Variants in ATP10B observed in about 807,000 individuals in gnomAD.
ATP10B encodes phospholipid-transporting ATPase VB.
ATP10B carries 122 observed loss-of-function variants against 141.2 expected under a neutral mutation model. The ratio of observed to expected loss-of-function variants is 0.86; its 90% CI spans 0.75 to 1.00. The LOEUF (loss-of-function observed/expected upper bound fraction) is 1.00, where lower values mean the gene tolerates loss of function less well. Among genes scored for constraint, ATP10B ranks in the 50% least tolerant of loss-of-function variants. The pLI is 0.00. For missense variants in ATP10B, 1,876 were observed against 1,825.3 expected (o/e 1.03, Z -0.51); for synonymous variants, 685 against 692.0 (o/e 0.99, Z 0.16).
At chr5:160,866,268 A>G in the ATP10B span, among the ~76,000 whole-genome samples, 2 of 152,168 alleles carry the variant, frequency 1.3e-5, no homozygotes, top group African/African-American at 4.8e-5. Context: ...AGCAACTTAG[A>G]TGGAGCTGGA....
chr5:160,635,900 G>C (rs550183936), intron 11 of ATP10B, among the ~76,000 whole-genome samples: 39 of 152,316 alleles, frequency 2.6e-4, no homozygotes, highest in African/African-American at 9.1e-4. Context: ...AAAGGGACAG[G>C]CACATATGGG....
intron 24 of ATP10B, among the ~76,000 whole-genome samples, chr5:160,577,359 G>T (rs1284580550): frequency 6.6e-6 from 1 of 152,080 alleles, no homozygotes; most frequent in Non-Finnish European, 1.5e-5. Flanking sequence ...GAAGGAAAAG[G>T]TGGGACAAAA....
intron 7 of ATP10B, among the ~76,000 whole-genome samples, chr5:160,663,031 T>C (rs1423975140): frequency 6.6e-6 from 1 of 151,966 alleles, no homozygotes; most frequent in Non-Finnish European, 1.5e-5. Flanking sequence ...AAAAGACACA[T>C]GAAAAAATGC....
chr5:160,845,057 T>C (rs1776038665), intron 1 of ATP10B, among the ~76,000 whole-genome samples: 1 of 152,190 alleles, frequency 6.6e-6, no homozygotes, highest in East Asian at 1.9e-4. Context: ...TACTTGCTTT[T>C]AATCACAGAT....
chr5:160,801,015 C>G (rs937905851), intron 1 of ATP10B, among the ~76,000 whole-genome samples: 8 of 152,070 alleles, frequency 5.3e-5, no homozygotes, highest in African/African-American at 1.9e-4. Flanking sequence ...CCTTGCCAGC[C>G]CTCAAAATCT....
chr5:160,873,046 C>A, the ATP10B span, among the ~76,000 whole-genome samples: 2 of 150,048 alleles, frequency 1.3e-5, no homozygotes, highest in African/African-American at 4.9e-5. Flanking sequence ...TCTATGATTT[C>A]TTTCAGCAGT....
intron 19 of ATP10B, 146 bp downstream of exon 19, chr5:160,606,619 G>C: frequency 1.3e-6 from 1 of 783,000 alleles, no homozygotes; most frequent in Non-Finnish European, 2.0e-6. Context: ...GCTGCATCTT[G>C]ATTGTCATTT....
chr5:160,928,537 C>T, the ATP10B span, among the ~76,000 whole-genome samples: 1 of 152,158 alleles, frequency 6.6e-6, no homozygotes, highest in African/African-American at 2.4e-5. Flanking sequence ...AGTAAACCCT[C>T]ATTGGCTCAG....
chr5:160,744,029 A>G (rs1767647501), intron 2 of ATP10B, among the ~76,000 whole-genome samples: 1 of 152,202 alleles, frequency 6.6e-6, no homozygotes, highest in Non-Finnish European at 1.5e-5. Flanking sequence ...GAAGCTTGGT[A>G]TTTAAGTTCC....
intron 2 of ATP10B, among the ~76,000 whole-genome samples, chr5:160,739,508 G>T (rs539895953): frequency 6.6e-6 from 1 of 152,260 alleles, no homozygotes; most frequent in South Asian, 2.1e-4. Context: ...TTCTATATAT[G>T]AGCAATGGGC....
chr5:160,828,012 G>C (rs1774762730), intron 1 of ATP10B, among the ~76,000 whole-genome samples: 1 of 152,108 alleles, frequency 6.6e-6, no homozygotes, highest in African/African-American at 2.4e-5. Context: ...GCCATATGTA[G>C]AAAGCTGAAA....
chr5:160,878,861 G>A, the ATP10B span, among the ~76,000 whole-genome samples: 1 of 149,346 alleles, frequency 6.7e-6, no homozygotes, highest in Non-Finnish European at 1.5e-5. Context: ...AGTTAGAATG[G>A]CAATCATTAA....
At chr5:160,593,525 A>G (rs1476709357) in intron 22 of ATP10B, among the ~76,000 whole-genome samples, 1 of 152,266 alleles carries the variant, frequency 6.6e-6, no homozygotes, top group East Asian at 1.9e-4. Flanking sequence ...CCTCCTCCAA[A>G]GGAACGTAGT....
At chr5:160,833,940 T>C (rs1775265960) in intron 1 of ATP10B, among the ~76,000 whole-genome samples, 1 of 152,172 alleles carries the variant, frequency 6.6e-6, no homozygotes, top group South Asian at 2.1e-4. Context: ...ATGAATATAA[T>C]ATATGCCCTG....
At chr5:160,801,282 G>A (rs1468853261) in intron 1 of ATP10B, among the ~76,000 whole-genome samples, 1 of 152,124 alleles carries the variant, frequency 6.6e-6, no homozygotes, top group Non-Finnish European at 1.5e-5. Flanking sequence ...GTTCCACTCT[G>A]TCTTATTGAT....
At chr5:160,920,500 G>T in the ATP10B span, among the ~76,000 whole-genome samples, 1 of 152,204 alleles carries the variant, frequency 6.6e-6, no homozygotes. Flanking sequence ...TCTCAAGCAT[G>T]GGACATGCAA....
At chr5:160,783,955 T>C (rs1410331197) in intron 2 of ATP10B, among the ~76,000 whole-genome samples, 5 of 152,130 alleles carry the variant, frequency 3.3e-5, no homozygotes, top group Non-Finnish European at 7.4e-5. Context: ...TCTATGCATA[T>C]ACACATCCTG....
At chr5:160,795,834 C>T (rs961787587) in intron 1 of ATP10B, among the ~76,000 whole-genome samples, 7 of 152,016 alleles carry the variant, frequency 4.6e-5, no homozygotes, top group African/African-American at 1.7e-4. Flanking sequence ...TTCTCCCCTA[C>T]AGCCCCCAGA....
chr5:160,805,304 T>C (rs1183245023), intron 1 of ATP10B, among the ~76,000 whole-genome samples: 1 of 152,234 alleles, frequency 6.6e-6, no homozygotes, highest in Non-Finnish European at 1.5e-5. Flanking sequence ...TTAATAATAA[T>C]GTGTGTCTCC....
Sources: allele counts gnomAD v4.1 joint callset (sites outside exome capture counted in the v4.1 genomes callset), GRCh38; gene constraint gnomAD v4.1.1; transcripts MANE v1.5; gene names NCBI Gene and HGNC (gene_info 2026-07-23, HGNC 2026-07-21).